NFATC1: variants seen among roughly 807,000 people sequenced by gnomAD.
NFATC1 encodes nuclear factor of activated T cells 1, also known as nuclear factor of activated T-cells, cytoplasmic 1.
In NFATC1, 22 loss-of-function variants were observed where a neutral mutation model predicts 76.0. That is an observed-to-expected ratio of 0.29 (90% CI 0.21 to 0.41). The LOEUF is 0.41. NFATC1 is among the 10% of genes least tolerant of loss of function. NFATC1 has a pLI of 1.00. For synonymous variants in NFATC1, 704 were observed against 613.1 expected, an observed-to-expected ratio of 1.15 and a Z score of -2.19; for missense variants, 1,357 against 1,337.7, an observed-to-expected ratio of 1.01 and a Z score of -0.23.
chr18:79,520,531 T>TGTGGG (rs1555925214), intron 9 of NFATC1, among the ~76,000 whole-genome samples: 2 of 141,680 alleles, frequency 1.4e-5, no homozygotes, highest in African/African-American at 5.3e-5. Context: ...ACTCTGTGTG[T>TGTGGG]GGGGGGGGGA....
intron 1 of NFATC1, among the ~76,000 whole-genome samples, chr18:79,399,344 T>A (rs1193930072): frequency 6.6e-6 from 1 of 152,222 alleles, no homozygotes; most frequent in Non-Finnish European, 1.5e-5. Context: ...GAAAAGGCAG[T>A]GCCCGCGGGG....
intron 1 of NFATC1, chr18:79,400,371 C>T (rs2085156897): frequency 2.1e-6 from 3 of 1,444,350 alleles, no homozygotes; most frequent in Middle Eastern, 1.9e-4. Context: ...GGCTCCCGCC[C>T]CGGCCCCGGC....
chr18:79,403,851 T>C (rs561034989), intron 1 of NFATC1, among the ~76,000 whole-genome samples: 5 of 152,346 alleles, frequency 3.3e-5, no homozygotes, highest in African/African-American at 1.2e-4. Flanking sequence ...GGTCGGGGGC[T>C]GTGGCAGGAA....
intron 9 of NFATC1, 44 bp downstream of exon 9, chr18:79,486,981 A>G: frequency 6.5e-7 from 1 of 1,537,676 alleles, no homozygotes; most frequent in Non-Finnish European, 8.8e-7. Context: ...GCCTGGCGCC[A>G]TGGCGTGAGC....
chr18:79,406,127 G>A (rs2085428853), intron 1 of NFATC1, among the ~76,000 whole-genome samples: 1 of 151,402 alleles, frequency 6.6e-6, no homozygotes, highest in Non-Finnish European at 1.5e-5. Flanking sequence ...AGTCCTGTGG[G>A]AGGATGGTGG....
At chr18:79,440,757 T>A (rs975844258) in intron 3 of NFATC1, among the ~76,000 whole-genome samples, 5 of 152,234 alleles carry the variant, frequency 3.3e-5, no homozygotes, top group African/African-American at 1.2e-4. Context: ...AGCTCCGGAG[T>A]GCAGGGTCTC....
Position 79,410,948 on chromosome 18 carries a change from C to T in NFATC1, c.673C>T (p.Leu225=). The part of the protein sequence containing the change: ...TDPEEGFPRG[L]GACTLLGSPR... ...CCCCGAGGAGGGCTTTCCCCGCGGG[C>T]TGGGGGCCTGCACACTGCTGGGTTC... Residue 225 remains leucine, a synonymous_variant, in exon 2 of 10, where the codon CTG becomes TTG. Transcript: ENST00000427363. The surrounding 1 kb of genome is among the most constrained non-coding windows in gnomAD (Gnocchi z 6.7). 1 of 1,602,164 alleles carries T rather than the reference C, an allele frequency of 6.2e-7. No homozygotes were observed. The highest frequency in any genetic ancestry group is 1.3e-5 in the African/African-American group (1 of 74,904).
intron 9 of NFATC1, among the ~76,000 whole-genome samples, chr18:79,491,645 C>T (rs372616212): frequency 1.1e-4 from 17 of 152,334 alleles, no homozygotes; most frequent in African/African-American, 4.1e-4. Context: ...CACTTTCCAG[C>T]CTCCCCGGCT....
chr18:79,480,259 G>A (rs985619124), intron 8 of NFATC1, among the ~76,000 whole-genome samples: 2 of 152,208 alleles, frequency 1.3e-5, no homozygotes, highest in South Asian at 2.1e-4. Context: ...TTCCTGAGAG[G>A]AGCGTGTTGC....
chr18:79,452,281 G>A (rs55879720), intron 6 of NFATC1: 2,215 of 155,306 alleles, frequency 0.014, 18 homozygotes, highest in Non-Finnish European at 0.021. Context: ...CAGACGGCGG[G>A]AGCTGGGGTG....
intron 8 of NFATC1, chr18:79,471,010 C>T (rs1273554682): frequency 1.3e-5 from 2 of 152,246 alleles, no homozygotes; most frequent in East Asian, 1.9e-4. Context: ...TGCCGGCCGC[C>T]CCTCCTGACA....
chr18:79,444,907 G>T (rs754072355), intron 3 of NFATC1, among the ~76,000 whole-genome samples: 9 of 152,238 alleles, frequency 5.9e-5, no homozygotes, highest in Non-Finnish European at 1.2e-4. Flanking sequence ...CTGTCTCTTG[G>T]TGGCTTCACC....
At chr18:79,407,333 G>A (rs957467659) in intron 1 of NFATC1, among the ~76,000 whole-genome samples, 4 of 152,216 alleles carry the variant, frequency 2.6e-5, no homozygotes, top group Admixed American at 6.5e-5. Context: ...GGGATGGTGT[G>A]TGTGTCCTGA....
Position 79,427,506 on chromosome 18 carries a change from A to G in NFATC1, c.1227-6073A>G, listed in dbSNP as rs375190353. ...TGGCCTCTGTGCGGTGGGTCGGGGGAAGCTGGACGGCTGGCCTCTGTGCAG... is the reference window on the plus strand; with the variant it reads ...TGGCCTCTGTGCGGTGGGTCGGGGGGAGCTGGACGGCTGGCCTCTGTGCAG... On this transcript the variant is annotated intron_variant, in intron 2 of 9. Coordinates refer to ENST00000427363, the MANE Select transcript of NFATC1 (RefSeq NM_001278669.2). Among the ~76,000 whole-genome samples the G allele has an allele frequency of 3.8e-3, 56 of 14,920 alleles. 1 individual carries two copies. The highest frequency in any genetic ancestry group is 4.6e-3 in the Non-Finnish European group (35 of 7,672). 9.8% of individuals were successfully genotyped at this position (14,920 alleles called of 152,430 possible). A position where few individuals can be genotyped will look rare whatever the true frequency, so the allele number is the denominator to read the frequency against.
At chr18:79,519,245 C>T (rs2090456659) in intron 9 of NFATC1, among the ~76,000 whole-genome samples, 2 of 152,376 alleles carry the variant, frequency 1.3e-5, no homozygotes, top group South Asian at 4.1e-4. Context: ...GAATTGCTGA[C>T]TTCCAAGTTG....
chr18:79,408,821 T>TCATCATCCATCCATC, intron 1 of NFATC1, among the ~76,000 whole-genome samples: 1 of 151,258 alleles, frequency 6.6e-6, no homozygotes, highest in East Asian at 2.0e-4. Context: ...ATCCATTCAT[T>TCATCATCCATCCATC]CATCATCCAT....
chr18:79,505,743 T>C (rs2090106032), intron 9 of NFATC1, among the ~76,000 whole-genome samples: 1 of 142,380 alleles, frequency 7.0e-6, no homozygotes, highest in African/African-American at 2.9e-5. Flanking sequence ...GACTGCTGTG[T>C]GGGAGGAGGT....
intron 1 of NFATC1, among the ~76,000 whole-genome samples, chr18:79,396,662 G>A (rs2085015701): frequency 1.3e-5 from 2 of 152,240 alleles, no homozygotes; most frequent in South Asian, 4.1e-4. Context: ...GACGGGCGAG[G>A]CTGGGCCGTC....
chr18:79,514,791 A>T (rs967478372), intron 9 of NFATC1, among the ~76,000 whole-genome samples: 1 of 151,496 alleles, frequency 6.6e-6, no homozygotes, highest in Non-Finnish European at 1.5e-5. Flanking sequence ...CACACCTATA[A>T]TCCTAGCATG....
Sources: allele counts gnomAD v4.1 joint callset (sites outside exome capture counted in the v4.1 genomes callset), GRCh38; gene constraint gnomAD v4.1.1; non-coding constraint Gnocchi (gnomAD v3.1); transcripts MANE v1.5; gene names NCBI Gene and HGNC (gene_info 2026-07-23, HGNC 2026-07-21).